The following POC1B variants were observed in gnomAD, a reference collection of about 807,000 sequenced individuals.
POC1B encodes the protein POC1 centriolar protein homolog B.
In POC1B, 44 loss-of-function variants were observed where a neutral mutation model predicts 60.6. That is an observed-to-expected ratio of 0.73 (90% CI 0.57 to 0.93). The LOEUF (loss-of-function observed/expected upper bound fraction) is 0.93. Among genes scored for constraint, POC1B ranks in the 40% least tolerant of loss-of-function variants. POC1B has a pLI of 0.00. For synonymous variants in POC1B, 180 were observed against 198.9 expected (o/e 0.90, Z 0.80); for missense variants, 555 against 572.3 (o/e 0.97, Z 0.31).
intron 2 of POC1B, among the ~76,000 whole-genome samples, chr12:89,508,785 T>C (rs1870030585): frequency 6.6e-6 from 1 of 152,202 alleles, no homozygotes; most frequent in Non-Finnish European, 1.5e-5. Context: ...CCGATGGTTT[T>C]ATAAGGAGCT....
At chr12:89,506,863 A>G (rs7978862) in intron 2 of POC1B, among the ~76,000 whole-genome samples, 108,926 of 151,852 alleles carry the variant, frequency 0.72, 39,178 homozygotes, top group Middle Eastern at 0.82. Flanking sequence ...CTGCATCAGG[A>G]CTTACTTTGG....
the POC1B span, among the ~76,000 whole-genome samples, chr12:89,412,241 T>C: frequency 6.6e-6 from 1 of 152,226 alleles, no homozygotes; most frequent in African/African-American, 2.4e-5. Flanking sequence ...CTTATTCTTC[T>C]TTCTCCTGGC....
At chr12:89,524,921 C>A (rs958962485) in intron 2 of POC1B, 199 bp downstream of exon 2, 2 of 855,028 alleles carry the variant, frequency 2.3e-6, no homozygotes, top group Non-Finnish European at 3.5e-6. Context: ...AGGCTCTTGG[C>A]CGGGCCGGGG....
At chr12:89,503,522 C>T (rs1380857006) in intron 2 of POC1B, among the ~76,000 whole-genome samples, 1 of 152,216 alleles carries the variant, frequency 6.6e-6, no homozygotes, top group Non-Finnish European at 1.5e-5. Flanking sequence ...ACTGCAGCCT[C>T]TGCCTGGCTG....
intron 4 of POC1B, among the ~76,000 whole-genome samples, chr12:89,476,721 G>GAT (rs1426607353): frequency 1.7e-5 from 2 of 115,420 alleles, no homozygotes; most frequent in East Asian, 8.4e-4. Flanking sequence ...TAGATAGATA[G>GAT]ATAGATAGAT....
intron 2 of POC1B, among the ~76,000 whole-genome samples, chr12:89,511,664 G>A (rs896315299): frequency 5.9e-5 from 9 of 151,996 alleles, no homozygotes; most frequent in African/African-American, 2.2e-4. Context: ...TTTATTTGGG[G>A]GAAAAATAGG....
At chr12:89,485,212 T>C (rs1288786592) in intron 4 of POC1B, 1 of 152,100 alleles carries the variant, frequency 6.6e-6, no homozygotes, top group Non-Finnish European at 1.5e-5. Flanking sequence ...TCTTTGAGAG[T>C]CCTGGATTAG....
chr12:89,500,349 T>C, intron 2 of POC1B: 1 of 1,504,048 alleles, frequency 6.6e-7, no homozygotes, highest in South Asian at 1.1e-5. Flanking sequence ...CCAAAGTCAG[T>C]TCCACTTTCT....
chr12:89,494,563 C>T (rs1268423056), intron 3 of POC1B, among the ~76,000 whole-genome samples: 4 of 152,026 alleles, frequency 2.6e-5, no homozygotes, highest in Non-Finnish European at 4.4e-5. Flanking sequence ...TCCCTGTACA[C>T]GCATGTCTCT....
chr12:89,455,798 G>A (rs1464795733), intron 10 of POC1B, among the ~76,000 whole-genome samples: 1 of 152,168 alleles, frequency 6.6e-6, no homozygotes, highest in East Asian at 1.9e-4. Flanking sequence ...GGATGAAGAT[G>A]AGAACACAGT....
At chr12:89,511,415 CAA>C (rs796324772) in intron 2 of POC1B, among the ~76,000 whole-genome samples, 20 of 104,456 alleles carry the variant, frequency 1.9e-4, no homozygotes, top group Admixed American at 2.1e-4. Flanking sequence ...GACTCTGTCT[CAA>C]AAAAAAAAAA....
intron 2 of POC1B, among the ~76,000 whole-genome samples, chr12:89,508,915 T>C (rs956297532): frequency 6.6e-6 from 1 of 152,222 alleles, no homozygotes; most frequent in African/African-American, 2.4e-5. Context: ...AAACTATGTG[T>C]CAATTAAACC....
intron 4 of POC1B, 104 bp downstream of exon 4, chr12:89,491,828 TTGAA>T: frequency 4.1e-5 from 37 of 906,826 alleles, no homozygotes; most frequent in South Asian, 6.9e-5. Flanking sequence ...CAAATATCTG[TTGAA>T]TGAATGAATG....
At chr12:89,470,220 G>C in intron 7 of POC1B, 141 bp downstream of exon 7, 1 of 392,654 alleles carries the variant, frequency 2.5e-6, no homozygotes, top group Non-Finnish European at 3.7e-6. Flanking sequence ...AACAGCCTTG[G>C]AAGTAAAAAA....
intron 2 of POC1B, among the ~76,000 whole-genome samples, chr12:89,505,195 G>A (rs1048229452): frequency 6.6e-6 from 1 of 152,158 alleles, no homozygotes; most frequent in African/African-American, 2.4e-5. Flanking sequence ...ACCAAATCTT[G>A]GTGAGGATGT....
intron 10 of POC1B, among the ~76,000 whole-genome samples, chr12:89,436,971 T>C (rs1300733432): frequency 6.6e-6 from 1 of 152,148 alleles, no homozygotes; most frequent in Admixed American, 6.6e-5. Context: ...TAATAAACAG[T>C]GCCATTATCC....
At chr12:89,483,858 G>C (rs1257110967) in intron 4 of POC1B, among the ~76,000 whole-genome samples, 1 of 75,982 alleles carries the variant, frequency 1.3e-5, no homozygotes, top group Non-Finnish European at 3.1e-5. Context: ...ATGGAAACTT[G>C]GATCTACACA....
chr12:89,507,735 A>G (rs1869973652), intron 2 of POC1B, among the ~76,000 whole-genome samples: 2 of 152,236 alleles, frequency 1.3e-5, no homozygotes, highest in South Asian at 4.1e-4. Flanking sequence ...AATGGAAAAC[A>G]TGTTTGCTCT....
At chr12:89,469,792 C>T (rs956279303) in intron 7 of POC1B, among the ~76,000 whole-genome samples, 6 of 152,122 alleles carry the variant, frequency 3.9e-5, no homozygotes, top group African/African-American at 1.4e-4. Context: ...ATAAAGACAG[C>T]AGGAGAAGAT....
Sources: allele counts gnomAD v4.1 joint callset (sites outside exome capture counted in the v4.1 genomes callset), GRCh38; gene constraint gnomAD v4.1.1; transcripts MANE v1.5; gene names NCBI Gene and HGNC (gene_info 2026-07-23, HGNC 2026-07-21).